The following FAM210A variants were observed in gnomAD, a reference collection of about 807,000 sequenced individuals.
FAM210A encodes the protein mitochondrial inner membrane scaffold 1.
A neutral mutation model predicts 25.3 loss-of-function variants in FAM210A; 13 were observed. That is an observed-to-expected ratio of 0.51 (90% CI 0.33 to 0.82). The LOEUF is 0.82. Among genes scored for constraint, FAM210A ranks in the 40% least tolerant of loss-of-function variants. FAM210A has a pLI of 0.02. For synonymous variants in FAM210A, 125 were observed against 118.7 expected (o/e 1.05, Z -0.35); for missense variants, 319 against 323.2 (o/e 0.99, Z 0.10).
intron 1 of FAM210A, among the ~76,000 whole-genome samples, chr18:13,714,211 C>CCAAG (rs1191027040): frequency 6.6e-6 from 1 of 152,038 alleles, no homozygotes; most frequent in Non-Finnish European, 1.5e-5. Context: ...ATTAAATATT[C>CCAAG]CAAGATAGGA....
intron 1 of FAM210A, among the ~76,000 whole-genome samples, chr18:13,689,894 G>A (rs1463567609): frequency 6.6e-6 from 1 of 152,208 alleles, no homozygotes; most frequent in African/African-American, 2.4e-5. Flanking sequence ...TTCCAACTGA[G>A]GTACCGGGTT....
chr18:13,683,536 C>T (rs2043572522), intron 1 of FAM210A, among the ~76,000 whole-genome samples: 1 of 149,626 alleles, frequency 6.7e-6, no homozygotes, highest in Admixed American at 6.7e-5. Flanking sequence ...TCCACTCCAG[C>T]CTGGACAATA....
In FAM210A at chr18:13,720,058, G is replaced by A. The variant is rs532049580; in HGVS notation, c.-29+6271C>T. On this transcript the variant is annotated intron_variant, in intron 1 of 3. Transcript: ENST00000651643. ...ATATTCTAGTCATTTTTCTAGTCAG[G>A]TTGCATAACTTGGTGGCCCACGGTT... 7.2e-5 allele frequency among the ~76,000 whole-genome samples: 11 copies of A among 152,248 alleles called. No individual in the cohort carries two copies. The South Asian group carries it at 2.1e-3, about 29-fold the overall frequency.
rs539420493 is a variant in FAM210A at position 13,689,272 on chromosome 18, C to T, written c.-28-7167G>A. Among the ~76,000 whole-genome samples, 9 of 152,268 alleles carry T rather than the reference C, an allele frequency of 5.9e-5. No homozygotes were observed. The East Asian group carries it at 1.7e-3, about 29-fold the overall frequency. Reference sequence around the variant, plus strand: ...GTCTGTAACTTGTGTTTTTTCTGGGCACGCCTTCGAGATGGCCCAATAAGC... The same window carrying T: ...GTCTGTAACTTGTGTTTTTTCTGGGTACGCCTTCGAGATGGCCCAATAAGC... On this transcript the variant is annotated intron_variant, in intron 1 of 3. Coordinates refer to ENST00000651643, the MANE Select transcript of FAM210A (RefSeq NM_152352.4).
rs181447391 is a variant in FAM210A, at chr18:13,678,501, G to C, written c.473+3104C>G. Among the ~76,000 whole-genome samples the C allele has an allele frequency of 9.2e-3, 1,400 of 152,218 alleles. 23 individuals are homozygous for C. Among genetic ancestry groups the C allele is most frequent in the South Asian group, 0.067 (324 of 4,820 alleles). On this transcript the variant is annotated intron_variant, in intron 2 of 3. Coordinates refer to ENST00000651643, the MANE Select transcript of FAM210A (RefSeq NM_152352.4). ...GATGGGGTTTCTCCATGTTGGTTAGGCTGGTCTCGAACTCCTGACCTCAGA... is the reference window on the plus strand; with the variant it reads ...GATGGGGTTTCTCCATGTTGGTTAGCCTGGTCTCGAACTCCTGACCTCAGA...
intron 3 of FAM210A, among the ~76,000 whole-genome samples, chr18:13,667,287 A>C (rs1383095748): frequency 6.6e-6 from 1 of 152,254 alleles, no homozygotes; most frequent in Non-Finnish European, 1.5e-5. Context: ...ACACAAGGCC[A>C]AAAGTAGTAA....
rs753761934 is a variant in FAM210A, at chr18:13,666,637, T to C, written c.662A>G (p.Tyr221Cys). 1 of 1,614,220 alleles carries C rather than the reference T, an allele frequency of 6.2e-7. No homozygotes were observed. The highest frequency in any genetic ancestry group is 1.1e-5 in the South Asian group (1 of 91,082). ...CTTGACGGGTGGCGGCGTGGACATG[T>C]AGCCATGACTGCGCAGATACTTCAC... The part of the protein sequence containing the change: ...VTVKYLRSHG[Y>C]MSTPPPVKEY... Residue 221 changes from tyrosine (Y) to cysteine (C), a missense_variant, in exon 4 of 4, where the codon TAC (tyrosine) becomes TGC (cysteine). Tyr to Cys is a radical substitution (Grantham distance 194). Transcript: ENST00000651643.
chr18:13,700,832 T>C (rs1480096284), intron 1 of FAM210A, among the ~76,000 whole-genome samples: 1 of 152,196 alleles, frequency 6.6e-6, no homozygotes, highest in Non-Finnish European at 1.5e-5. Context: ...CCAATTCCAG[T>C]GGCCAGCCAT....
chr18:13,713,759 G>A (rs1349763568), intron 1 of FAM210A, among the ~76,000 whole-genome samples: 1 of 26,028 alleles, frequency 3.8e-5, no homozygotes, highest in African/African-American at 1.2e-4. Flanking sequence ...CACACGTTTA[G>A]AGACAGGGTC....
intron 1 of FAM210A, among the ~76,000 whole-genome samples, chr18:13,683,479 AC>A (rs1453312736): frequency 1.3e-5 from 2 of 151,668 alleles, no homozygotes; most frequent in Non-Finnish European, 2.9e-5. Flanking sequence ...ATGGGAGGAC[AC>A]TTGAGCCCAG....
intron 1 of FAM210A, among the ~76,000 whole-genome samples, chr18:13,689,938 G>A (rs1601952477): frequency 6.6e-6 from 1 of 152,122 alleles, no homozygotes; most frequent in East Asian, 1.9e-4. Flanking sequence ...AGTGGGTGCA[G>A]CCCACGGAAC....
chr18:13,677,631 C>A (rs545992067), intron 2 of FAM210A, among the ~76,000 whole-genome samples: 64 of 152,248 alleles, frequency 4.2e-4, no homozygotes, highest in African/African-American at 1.5e-3. Flanking sequence ...TTGTGGACTT[C>A]ATTTCTGCCT....
intron 1 of FAM210A, among the ~76,000 whole-genome samples, chr18:13,684,033 CA>C (rs1482629314): frequency 6.6e-6 from 1 of 152,272 alleles, no homozygotes; most frequent in East Asian, 1.9e-4. Flanking sequence ...AATCCAACAA[CA>C]GTACAAATGA....
At chr18:13,685,342 T>C (rs1223418842) in intron 1 of FAM210A, among the ~76,000 whole-genome samples, 1 of 151,968 alleles carries the variant, frequency 6.6e-6, no homozygotes, top group Non-Finnish European at 1.5e-5. Context: ...AAAGACTCTA[T>C]TAACATAATC....
At chr18:13,669,221 T>C (rs1049786078) in intron 3 of FAM210A, among the ~76,000 whole-genome samples, 1 of 152,196 alleles carries the variant, frequency 6.6e-6, no homozygotes, top group Non-Finnish European at 1.5e-5. Context: ...CCAGGTCCCT[T>C]GGCTTCTCCC....
intron 1 of FAM210A, among the ~76,000 whole-genome samples, chr18:13,713,019 C>G (rs1187817356): frequency 6.6e-6 from 1 of 152,196 alleles, no homozygotes; most frequent in Non-Finnish European, 1.5e-5. Context: ...TTCGTTGTTA[C>G]AAACCCCGGA....
intron 1 of FAM210A, among the ~76,000 whole-genome samples, chr18:13,706,554 T>C (rs1056979085): frequency 2.0e-5 from 3 of 152,178 alleles, no homozygotes; most frequent in African/African-American, 4.8e-5. Flanking sequence ...TTAACCCACA[T>C]AGGTTAAAGA....
At chr18:13,725,336 T>C (rs2043931531) in intron 1 of FAM210A, among the ~76,000 whole-genome samples, 1 of 152,210 alleles carries the variant, frequency 6.6e-6, no homozygotes, top group Non-Finnish European at 1.5e-5. Context: ...TGATGGGTCA[T>C]CCTTATTTGT....
intron 1 of FAM210A, among the ~76,000 whole-genome samples, chr18:13,713,116 T>G (rs2043834423): frequency 2.0e-5 from 3 of 152,246 alleles, no homozygotes; most frequent in Admixed American, 2.0e-4. Context: ...TATACATCTA[T>G]AAGAAGGCCT....
Sources: gnomAD v4.1 joint callset for allele counts (sites outside exome capture counted in the v4.1 genomes callset) on GRCh38, gnomAD v4.1.1 for gene constraint, MANE v1.5 for transcripts, NCBI Gene and HGNC (gene_info 2026-07-23, HGNC 2026-07-21) for gene names.